The following FYB1 variants were observed in gnomAD, a reference collection of about 807,000 sequenced individuals.
The protein encoded by FYB1 is FYN binding protein 1, also known as FYN-binding protein 1.
Under a neutral mutation model 94.1 loss-of-function variants are expected in FYB1, and 41 were observed. The observed-to-expected ratio is 0.44, with a 90% CI of 0.34 to 0.57. The LOEUF is 0.57. Among genes scored for constraint, FYB1 ranks in the 20% least tolerant of loss-of-function variants. FYB1 has a pLI of 0.02. For missense variants in FYB1, 1,050 were observed against 976.8 expected, an observed-to-expected ratio of 1.07 and a Z score of -1.00; for synonymous variants, 367 against 353.2, an observed-to-expected ratio of 1.04 and a Z score of -0.44.
intron 1 of FYB1, among the ~76,000 whole-genome samples, chr5:39,272,805 G>A (rs1214837270): frequency 2.0e-5 from 3 of 152,026 alleles, no homozygotes; most frequent in East Asian, 1.9e-4. Flanking sequence ...GTAATTTATT[G>A]GGTAAGTCTC....
chr5:39,169,850 T>C, intron 2 of FYB1: 1 of 539,134 alleles, frequency 1.9e-6, no homozygotes, highest in Admixed American at 2.5e-5. Context: ...TTCACAGAAC[T>C]AACACTTGAC....
chr5:39,113,436 G>T (rs1739250383), intron 16 of FYB1, among the ~76,000 whole-genome samples: 3 of 152,062 alleles, frequency 2.0e-5, no homozygotes, highest in African/African-American at 7.2e-5. Context: ...ACAACGGCTT[G>T]AAACAAATGT....
intron 1 of FYB1, among the ~76,000 whole-genome samples, chr5:39,268,463 CT>C (rs1752529100): frequency 1.3e-5 from 2 of 152,060 alleles, no homozygotes; most frequent in Non-Finnish European, 2.9e-5. Flanking sequence ...TCTTGAACTC[CT>C]TAAGTAATCC....
chr5:39,202,944 G>T lies in FYB1; in HGVS notation c.17C>A (p.Thr6Lys), dbSNP rs749688119. 1 of 1,613,860 alleles carries T rather than the reference G, an allele frequency of 6.2e-7. No homozygotes were observed. The highest frequency in any genetic ancestry group is 8.5e-7 in the Non-Finnish European group (1 of 1,179,876). MAKYN[T>K]GGNPTEDVSV... ...GACATCCTCTGTCGGGTTGCCCCCCGTGTTATATTTCGCCATGAGGGACTT... is the reference window on the plus strand; with the variant it reads ...GACATCCTCTGTCGGGTTGCCCCCCTTGTTATATTTCGCCATGAGGGACTT... Residue 6 changes from threonine (T) to lysine (K), a missense_variant, in exon 2 of 19, where the codon ACG becomes AAG. Physicochemically the swap from Thr to Lys is moderately conservative, Grantham distance 78. Coordinates refer to ENST00000512982, the MANE Select transcript of FYB1 (RefSeq NM_001465.6).
chr5:39,241,118 C>T (rs1561301164), intron 1 of FYB1, among the ~76,000 whole-genome samples: 1 of 152,064 alleles, frequency 6.6e-6, no homozygotes, highest in East Asian at 1.9e-4. Context: ...GCTCAACATT[C>T]AGTACACATG....
chr5:39,115,052 G>A (rs573377991), intron 16 of FYB1, among the ~76,000 whole-genome samples: 1 of 152,054 alleles, frequency 6.6e-6, no homozygotes, highest in Non-Finnish European at 1.5e-5. Flanking sequence ...AGAGAATCAT[G>A]GGCATTCCAA....
chr5:39,185,238 C>T (rs1453067126), intron 2 of FYB1, among the ~76,000 whole-genome samples: 1 of 152,036 alleles, frequency 6.6e-6, no homozygotes, highest in Non-Finnish European at 1.5e-5. Flanking sequence ...ACCATGTGCA[C>T]ACTCTTCATT....
At chr5:39,140,985 C>T (rs1742123017) in intron 4 of FYB1, 110 bp downstream of exon 4, 2 of 737,552 alleles carry the variant, frequency 2.7e-6, no homozygotes, top group African/African-American at 3.6e-5. Context: ...AGGGGCCTTG[C>T]ACAGACCAGT....
chr5:39,213,418 C>A (rs1749588182), intron 1 of FYB1, among the ~76,000 whole-genome samples: 1 of 152,180 alleles, frequency 6.6e-6, no homozygotes, highest in Admixed American at 6.5e-5. Context: ...CCACCTAACT[C>A]TAGAAATTGA....
At chr5:39,138,176 T>A (rs1308148735) in intron 6 of FYB1, 3 of 167,272 alleles carry the variant, frequency 1.8e-5, no homozygotes, top group African/African-American at 7.2e-5. Context: ...GATAATATAT[T>A]CATTTCTACT....
chr5:39,126,219 C>T, intron 11 of FYB1, 84 bp from the exon 12 acceptor site: 4 of 1,391,610 alleles, frequency 2.9e-6, no homozygotes, highest in Non-Finnish European at 3.9e-6. Context: ...TCTTTATAAT[C>T]ATTAATCATT....
At chr5:39,240,737 T>G (rs186543072) in intron 1 of FYB1, among the ~76,000 whole-genome samples, 1 of 152,322 alleles carries the variant, frequency 6.6e-6, no homozygotes, top group African/African-American at 2.4e-5. Context: ...GTAAATTAGT[T>G]CAGCCAATGT....
rs564439524 is a variant in FYB1 at position 39,184,828 on chromosome 5, G to T, written c.1135+16998C>A. On this transcript the variant is annotated intron_variant, in intron 2 of 18. Transcript: ENST00000512982. Reference sequence around the variant, plus strand: ...TGGATACAGGTTTTAAAACTAGTATGCTCTCAAAAGCAAGAGATGATGCAC... The same window carrying T: ...TGGATACAGGTTTTAAAACTAGTATTCTCTCAAAAGCAAGAGATGATGCAC... Among the ~76,000 whole-genome samples the T allele has an allele frequency of 2.6e-5, 4 of 152,214 alleles. No homozygotes were observed. The South Asian group carries it at 8.3e-4, about 32-fold the overall frequency.
intron 2 of FYB1, among the ~76,000 whole-genome samples, chr5:39,168,244 T>G (rs1744919655): frequency 6.6e-6 from 1 of 152,242 alleles, no homozygotes; most frequent in Non-Finnish European, 1.5e-5. Flanking sequence ...ATTGCTATAT[T>G]ATCATGTCAT....
chr5:39,171,552 G>T (rs1030419412), intron 2 of FYB1, among the ~76,000 whole-genome samples: 1 of 152,084 alleles, frequency 6.6e-6, no homozygotes, highest in African/African-American at 2.4e-5. Context: ...AAAATAAATG[G>T]TGGGTACACA....
chr5:39,269,884 C>G (rs1752598885), intron 1 of FYB1: 1 of 152,050 alleles, frequency 6.6e-6, no homozygotes, highest in South Asian at 2.1e-4. Context: ...ATATGAACAC[C>G]ACATATATTT....
chr5:39,271,236 C>T (rs1392158956), intron 1 of FYB1, among the ~76,000 whole-genome samples: 1 of 151,774 alleles, frequency 6.6e-6, no homozygotes, highest in African/African-American at 2.4e-5. Flanking sequence ...CCATTCATTT[C>T]CCTAAAAAAA....
chr5:39,211,942 C>A (rs1281221176), intron 1 of FYB1, among the ~76,000 whole-genome samples: 1 of 152,072 alleles, frequency 6.6e-6, no homozygotes, highest in Non-Finnish European at 1.5e-5. Flanking sequence ...AGACTTCCTT[C>A]CCAGCATGTG....
upstream of FYB1, among the ~76,000 whole-genome samples, chr5:39,220,427 AAAG>A (rs765540647): frequency 2.6e-3 from 394 of 151,734 alleles, 2 homozygotes; most frequent in Middle Eastern, 6.8e-3. Context: ...GAAAAAAAAA[AAAG>A]AAGAAAGAAA....
Sources: gnomAD v4.1 joint callset for allele counts (sites outside exome capture counted in the v4.1 genomes callset) on GRCh38, gnomAD v4.1.1 for gene constraint, MANE v1.5 for transcripts, NCBI Gene and HGNC (gene_info 2026-07-23, HGNC 2026-07-21) for gene names.